Variants in ARHGAP26 observed in about 807,000 individuals in gnomAD.
ARHGAP26 encodes rho GTPase-activating protein 26.
Under a neutral mutation model 104.8 loss-of-function variants are expected in ARHGAP26, and 38 were observed. That is an observed-to-expected ratio of 0.36 (90% CI 0.28 to 0.48). ARHGAP26 has a LOEUF of 0.48. ARHGAP26 is among the 20% of genes least tolerant of loss of function. ARHGAP26 has a pLI of 0.99. For synonymous variants in ARHGAP26, 341 were observed against 340.0 expected, an observed-to-expected ratio of 1.00 and a Z score of -0.03; for missense variants, 704 against 947.9, an observed-to-expected ratio of 0.74 and a Z score of 3.38.
At chr5:142,795,021 A>G (rs1018058446) in intron 1 of ARHGAP26, among the ~76,000 whole-genome samples, 1 of 151,756 alleles carries the variant, frequency 6.6e-6, no homozygotes, top group South Asian at 2.1e-4. Context: ...TGTGCGCCAC[A>G]TAGTGTCTCT....
At chr5:142,999,219 C>G (rs1776859580) in intron 11 of ARHGAP26, among the ~76,000 whole-genome samples, 1 of 152,154 alleles carries the variant, frequency 6.6e-6, no homozygotes, top group African/African-American at 2.4e-5. Flanking sequence ...CTTGTTAGCT[C>G]CCAGGGCTCC....
chr5:142,808,108 G>C (rs770527831), intron 1 of ARHGAP26, among the ~76,000 whole-genome samples: 4 of 151,576 alleles, frequency 2.6e-5, no homozygotes, highest in Non-Finnish European at 4.4e-5. Flanking sequence ...GGTAGTGGGT[G>C]CCTGTAGTCC....
Position 143,222,487 on chromosome 5 carries a change from C to A in ARHGAP26, c.*41C>A. The A allele has an allele frequency of 6.7e-7, 1 of 1,494,704 alleles. No individual in the cohort carries two copies. Among genetic ancestry groups the A allele is most frequent in the Non-Finnish European group, 9.1e-7 (1 of 1,097,362 alleles). 92.6% of individuals were successfully genotyped at this position (1,494,704 alleles called of 1,614,324 possible). On this transcript the variant is annotated 3_prime_UTR_variant, in exon 23 of 23. Transcript: ENST00000645722. ...GAACTGCTGAGCTTTACATGGTATC[C>A]ATGACAACTGCTGATTCCAGTGTCG...
At chr5:143,069,216 A>G (rs570312488) in intron 17 of ARHGAP26, among the ~76,000 whole-genome samples, 1 of 152,246 alleles carries the variant, frequency 6.6e-6, no homozygotes, top group African/African-American at 2.4e-5. Flanking sequence ...TCAGTATCTA[A>G]TATACTATAT....
At chr5:142,964,633 A>G (rs1386264345) in intron 11 of ARHGAP26, among the ~76,000 whole-genome samples, 1 of 152,162 alleles carries the variant, frequency 6.6e-6, no homozygotes, top group Admixed American at 6.6e-5. Flanking sequence ...GAGACATGCC[A>G]ATATCAAGTA....
At chr5:142,977,268 TA>T (rs1196259613) in intron 11 of ARHGAP26, among the ~76,000 whole-genome samples, 1 of 152,184 alleles carries the variant, frequency 6.6e-6, no homozygotes, top group African/African-American at 2.4e-5. Context: ...GAAAATTATA[TA>T]AAAGTAACAC....
At chr5:142,864,721 C>T (rs1384284453) in intron 1 of ARHGAP26, among the ~76,000 whole-genome samples, 1 of 152,234 alleles carries the variant, frequency 6.6e-6, no homozygotes, top group Non-Finnish European at 1.5e-5. Context: ...GGGGGCATCC[C>T]TGTCCTCTCT....
intron 11 of ARHGAP26, among the ~76,000 whole-genome samples, chr5:142,994,871 T>A (rs567211184): frequency 6.6e-6 from 1 of 152,190 alleles, no homozygotes; most frequent in Non-Finnish European, 1.5e-5. Context: ...AATGTCACAA[T>A]GAGAAAATAA....
intron 17 of ARHGAP26, among the ~76,000 whole-genome samples, chr5:143,112,632 C>G (rs185831840): frequency 5.9e-5 from 9 of 152,216 alleles, no homozygotes; most frequent in African/African-American, 2.2e-4. Context: ...TCATCTGGCC[C>G]CTGGCAACCA....
At chr5:142,833,940 TCA>T (rs1769033226) in intron 1 of ARHGAP26, among the ~76,000 whole-genome samples, 1 of 152,234 alleles carries the variant, frequency 6.6e-6, no homozygotes, top group Non-Finnish European at 1.5e-5. Context: ...ATCTTTAGAC[TCA>T]TAAGTGGGAC....
chr5:143,121,484 G>T (rs558173037), intron 18 of ARHGAP26, among the ~76,000 whole-genome samples: 6 of 152,280 alleles, frequency 3.9e-5, no homozygotes, highest in Non-Finnish European at 8.8e-5. Flanking sequence ...GTACTCTTAT[G>T]AACCTCATTT....
intron 11 of ARHGAP26, among the ~76,000 whole-genome samples, chr5:142,971,968 G>A (rs1772339084): frequency 6.6e-6 from 1 of 152,132 alleles, no homozygotes; most frequent in Non-Finnish European, 1.5e-5. Context: ...GATCAGTTGA[G>A]GTCAGGAGTC....
At chr5:143,005,360 G>C (rs1173951959) in intron 11 of ARHGAP26, among the ~76,000 whole-genome samples, 1 of 152,234 alleles carries the variant, frequency 6.6e-6, no homozygotes, top group African/African-American at 2.4e-5. Context: ...AGCAACACAA[G>C]GCCTCATTTC....
intron 20 of ARHGAP26, among the ~76,000 whole-genome samples, chr5:143,151,272 A>G (rs1380484305): frequency 6.6e-6 from 1 of 152,200 alleles, no homozygotes; most frequent in African/African-American, 2.4e-5. Context: ...TGACAACATC[A>G]AATGCTGGCT....
At chr5:143,152,737 C>G (rs1415553131) in intron 20 of ARHGAP26, among the ~76,000 whole-genome samples, 1 of 152,336 alleles carries the variant, frequency 6.6e-6, no homozygotes, top group African/African-American at 2.4e-5. Context: ...CTCTCTCATT[C>G]TCTTGGAACC....
intron 17 of ARHGAP26, among the ~76,000 whole-genome samples, chr5:143,097,512 G>A (rs192552009): frequency 6.6e-6 from 1 of 151,840 alleles, no homozygotes; most frequent in Non-Finnish European, 1.5e-5. Context: ...TTGAAGCAGA[G>A]CTAATGTGAA....
rs1350299550 is a variant in ARHGAP26, at chr5:143,227,934, A to G, written c.*5488A>G. On this transcript the variant is annotated 3_prime_UTR_variant, in exon 23 of 23. Transcript: ENST00000645722. ...GTTGTGCCAGACATTACAGAGTGAA[A>G]ACGTCTCTCAAGGTGGAATGCTTTA... 4.5e-6 allele frequency: 1 copy of G among 221,210 alleles called. No individual in the cohort carries two copies. Among genetic ancestry groups the G allele is most frequent in the Admixed American group, 5.8e-5 (1 of 17,354 alleles). 13.7% of individuals were successfully genotyped at this position (221,210 alleles called of 1,614,324 possible). A position where few individuals can be genotyped will look rare whatever the true frequency, so the allele number is the denominator to read the frequency against.
rs573281347 is a variant in ARHGAP26 at position 142,997,171 on chromosome 5, C to T, written c.1108-16909C>T. Among the ~76,000 whole-genome samples the T allele has an allele frequency of 6.6e-5, 10 of 152,094 alleles. No homozygotes were observed. The South Asian group carries it at 1.2e-3, about 19-fold the overall frequency. ...GTGCATGTATATATATATACACACA[C>T]GTATATATCCTCATTATTCATGGAT... On this transcript the variant is annotated intron_variant, in intron 11 of 22. Transcript: ENST00000645722.
intron 20 of ARHGAP26, among the ~76,000 whole-genome samples, chr5:143,176,158 CAATG>C (rs1234950571): frequency 6.6e-6 from 1 of 152,040 alleles, no homozygotes; most frequent in African/African-American, 2.4e-5. Context: ...TGACACGTGA[CAATG>C]AAACAGAATT....
Sources: allele counts gnomAD v4.1 joint callset (sites outside exome capture counted in the v4.1 genomes callset), GRCh38; gene constraint gnomAD v4.1.1; transcripts MANE v1.5; gene names NCBI Gene and HGNC (gene_info 2026-07-23, HGNC 2026-07-21).